The following ZDHHC15 variants were observed in gnomAD, a reference collection of about 807,000 sequenced individuals.
The protein encoded by ZDHHC15 is palmitoyltransferase ZDHHC15.
ZDHHC15 carries 19 observed loss-of-function variants against 31.7 expected under a neutral mutation model. The ratio of observed to expected loss-of-function variants is 0.60; its 90% CI spans 0.42 to 0.88. The LOEUF is 0.88. ZDHHC15 is among the 40% of genes least tolerant of loss of function. The probability of loss-of-function intolerance (pLI) is 0.00; values close to 1 mark genes in which losing one functional copy is unlikely to be tolerated. For missense variants in ZDHHC15, 209 were observed against 251.2 expected (o/e 0.83, Z 1.14); for synonymous variants, 103 against 90.0 (o/e 1.14, Z -0.82).
In ZDHHC15 at chrX:75,424,685, A is replaced by G; in HGVS notation, c.703T>C (p.Cys235Arg). 1 of 1,206,493 alleles carries G rather than the reference A, an allele frequency of 8.3e-7. No homozygotes were observed. The highest frequency in any genetic ancestry group is 1.1e-6 in the Non-Finnish European group (1 of 893,307). ...GTTTTGTTTCTGCTGACAAGCCAACAATGGTAACCAAAGAGAATCACAAGG... is the reference window on the plus strand; with the variant it reads ...GTTTTGTTTCTGCTGACAAGCCAACGATGGTAACCAAAGAGAATCACAAGG... ...VSLVILFGYH[C>R]WLVSRNKTTL... The change falls in exon 8 of 12, where the codon TGT becomes CGT. Residue 235 changes from cysteine to arginine, a missense_variant. Transcript: ENST00000373367.
chrX:75,454,804 T>G (rs1454253977), intron 3 of ZDHHC15, among the ~76,000 whole-genome samples: 1 of 111,247 alleles, frequency 9.0e-6, no homozygotes, highest in African/African-American at 3.3e-5. Context: ...GGAATCCAAC[T>G]TACAAGGGAT....
intron 10 of ZDHHC15, among the ~76,000 whole-genome samples, chrX:75,400,033 C>A (rs930191633): frequency 9.0e-6 from 1 of 111,658 alleles, no homozygotes; most frequent in African/African-American, 3.3e-5. Flanking sequence ...GAGAAAAAAA[C>A]CAATGCAAGA....
intron 2 of ZDHHC15, among the ~76,000 whole-genome samples, chrX:75,486,112 G>A (rs1199533782): frequency 1.8e-5 from 2 of 112,385 alleles, no homozygotes; most frequent in African/African-American, 6.5e-5. Context: ...GAAAAACTGA[G>A]TTCCCAAAGT....
intron 3 of ZDHHC15, among the ~76,000 whole-genome samples, chrX:75,461,048 C>A (rs1357402858): frequency 9.0e-6 from 1 of 111,414 alleles, no homozygotes; most frequent in Non-Finnish European, 1.9e-5. Flanking sequence ...CATGATAAAA[C>A]AATACAGGAG....
intron 3 of ZDHHC15, among the ~76,000 whole-genome samples, chrX:75,474,418 TTAA>T (rs1280980755): frequency 1.1e-5 from 1 of 94,942 alleles, no homozygotes; most frequent in Non-Finnish European, 2.1e-5. Context: ...GAATTAATAC[TTAA>T]TAAACTCCCC....
intron 3 of ZDHHC15, among the ~76,000 whole-genome samples, chrX:75,464,945 T>G (rs1602672530): frequency 8.9e-6 from 1 of 111,901 alleles, no homozygotes. Flanking sequence ...TTATTGGAAG[T>G]TCTGGCCAGG....
intron 2 of ZDHHC15, among the ~76,000 whole-genome samples, chrX:75,481,065 G>T (rs1302293221): frequency 1.8e-5 from 2 of 111,106 alleles, no homozygotes; most frequent in East Asian, 5.7e-4. Context: ...CCTTTGTGAA[G>T]TGTTATCATA....
chrX:75,406,904 C>T (rs766570229), intron 10 of ZDHHC15, among the ~76,000 whole-genome samples: 3 of 112,085 alleles, frequency 2.7e-5, no homozygotes, highest in African/African-American at 6.5e-5. Context: ...GCCAATATCA[C>T]GGATGAACAC....
chrX:75,457,446 T>C (rs2084241423), intron 3 of ZDHHC15, among the ~76,000 whole-genome samples: 1 of 111,334 alleles, frequency 9.0e-6, no homozygotes, highest in Admixed American at 9.7e-5. Context: ...TTACTTCCTT[T>C]ATGGTGGATT....
chrX:75,397,695 C>T (rs372031427), intron 10 of ZDHHC15, among the ~76,000 whole-genome samples: 4 of 111,237 alleles, frequency 3.6e-5, no homozygotes, highest in Non-Finnish European at 7.5e-5. Flanking sequence ...GACCTTCAAC[C>T]GAAATATTCA....
intron 2 of ZDHHC15, among the ~76,000 whole-genome samples, chrX:75,492,831 A>G (rs2084921695): frequency 8.9e-6 from 1 of 112,064 alleles, no homozygotes; most frequent in African/African-American, 3.2e-5. Context: ...AGAAAGCAGG[A>G]AAGATATAAA....
intron 3 of ZDHHC15, among the ~76,000 whole-genome samples, chrX:75,477,403 T>C (rs1260060856): frequency 8.9e-6 from 1 of 111,904 alleles, no homozygotes; most frequent in Admixed American, 9.5e-5. Flanking sequence ...TCCATTTCCT[T>C]ATTGACCTTC....
chrX:75,507,414 G>T (rs763396891), intron 1 of ZDHHC15, among the ~76,000 whole-genome samples: 1 of 110,733 alleles, frequency 9.0e-6, no homozygotes, highest in African/African-American at 3.3e-5. Flanking sequence ...AGGACAAAAG[G>T]ACATCTATTC....
At chrX:75,503,684 C>T (rs1408813497) in intron 2 of ZDHHC15, among the ~76,000 whole-genome samples, 1 of 111,173 alleles carries the variant, frequency 9.0e-6, no homozygotes, top group South Asian at 3.8e-4. Context: ...TGATATAATG[C>T]TTTTTAACAG....
chrX:75,407,258 C>A (rs1244277671), intron 10 of ZDHHC15, among the ~76,000 whole-genome samples: 1 of 110,962 alleles, frequency 9.0e-6, no homozygotes, highest in Non-Finnish European at 1.9e-5. Flanking sequence ...TCTGCCCAGC[C>A]GCCCCGTCTG....
intron 3 of ZDHHC15, among the ~76,000 whole-genome samples, chrX:75,474,573 T>TACACAC (rs375925139): frequency 0.27 from 17,046 of 63,925 alleles, 2,405 homozygotes; most frequent in Non-Finnish European, 0.33. Context: ...ATCCCCTTTA[T>TACACAC]ACACACACAC....
chrX:75,437,790 G>A (rs2083883411), intron 4 of ZDHHC15, among the ~76,000 whole-genome samples: 1 of 110,539 alleles, frequency 9.0e-6, no homozygotes, highest in Non-Finnish European at 1.9e-5. Context: ...ACAGTCCTTT[G>A]GGTATATACC....
chrX:75,454,672 A>C (rs1234306778), intron 3 of ZDHHC15, among the ~76,000 whole-genome samples: 1 of 111,730 alleles, frequency 9.0e-6, no homozygotes, highest in African/African-American at 3.3e-5. Context: ...ATTTGGGACA[A>C]GTTAACGGGT....
Position 75,450,727 on chromosome X carries a change from T to G in ZDHHC15, c.379+75A>C, listed in dbSNP as rs778387950. On this transcript the variant is annotated intron_variant, in intron 4 of 11. Transcript: ENST00000373367. Reference sequence around the variant, plus strand: ...GATGGGAGGAAAAAAAAGGGCTAGTTTGAGAACATATATGACTTAGCCTTT... The same window carrying G: ...GATGGGAGGAAAAAAAAGGGCTAGTGTGAGAACATATATGACTTAGCCTTT... 73 of 1,206,656 alleles carry G rather than the reference T, an allele frequency of 6.0e-5. No homozygotes were observed. In the African/African-American group the frequency reaches 9.6e-4, roughly 16 times the overall value.
Sources: gnomAD v4.1 joint callset for allele counts (sites outside exome capture counted in the v4.1 genomes callset) on GRCh38, gnomAD v4.1.1 for gene constraint, MANE v1.5 for transcripts, NCBI Gene and HGNC (gene_info 2026-07-23, HGNC 2026-07-21) for gene names.